Variants in EDIL3 observed in about 807,000 individuals in gnomAD.
EDIL3 encodes the protein EGF-like repeat and discoidin I-like domain-containing protein 3.
EDIL3 carries 37 observed loss-of-function variants against 67.4 expected under a neutral mutation model. The ratio of observed to expected loss-of-function variants is 0.55; its 90% CI spans 0.42 to 0.72. The LOEUF (loss-of-function observed/expected upper bound fraction) is 0.72. EDIL3 is among the 30% of genes least tolerant of loss of function. The pLI is 0.00. For synonymous variants in EDIL3, 195 were observed against 196.3 expected (o/e 0.99, Z 0.05); for missense variants, 527 against 586.3 (o/e 0.90, Z 1.04).
chr5:84,007,972 T>A (rs938263690), intron 9 of EDIL3, among the ~76,000 whole-genome samples: 1 of 152,198 alleles, frequency 6.6e-6, no homozygotes, highest in Non-Finnish European at 1.5e-5. Flanking sequence ...CCCTGTCATT[T>A]GCATTAGCAT....
At chr5:84,041,518 A>AT (rs1318645835) in intron 9 of EDIL3, among the ~76,000 whole-genome samples, 3 of 149,628 alleles carry the variant, frequency 2.0e-5, no homozygotes, top group Non-Finnish European at 3.0e-5. Context: ...CAGAGCTTTA[A>AT]GACAGCTTGT....
In EDIL3 at chr5:83,942,307, A is replaced by G. The variant is rs1744238246; in HGVS notation, c.*1112T>C. 6.6e-6 allele frequency: 1 copy of G among 152,072 alleles called. No homozygotes were observed. The highest frequency in any genetic ancestry group is 2.4e-5 in the African/African-American group (1 of 41,452). The allele number at this position is 152,072 out of a possible 1,614,324, so 9.4% of individuals were successfully genotyped here. On this transcript the variant is annotated 3_prime_UTR_variant, in exon 11 of 11. Transcript: ENST00000296591. ...AGTAAACACTTTGCTTCTCACAAATAACTCCACCTGTGCCTTCCTGGGAAA... is the reference window on the plus strand; with the variant it reads ...AGTAAACACTTTGCTTCTCACAAATGACTCCACCTGTGCCTTCCTGGGAAA...
At chr5:84,085,357 GT>G (rs1174611765) in intron 6 of EDIL3, among the ~76,000 whole-genome samples, 1 of 152,186 alleles carries the variant, frequency 6.6e-6, no homozygotes, top group African/African-American at 2.4e-5. Context: ...TTTGGCTGGA[GT>G]TTTTGTGTGG....
Position 83,942,241 on chromosome 5 carries a change from A to T in EDIL3, c.*1178T>A, listed in dbSNP as rs1202685555. ...GGACCTTTGAAGCAAAATAAATAGA[A>T]ATCAGTTTTCATCTTGAAAATGGTT... On this transcript the variant is annotated 3_prime_UTR_variant, in exon 11 of 11. Transcript: ENST00000296591. 1 of 152,014 alleles carries T rather than the reference A, an allele frequency of 6.6e-6. No individual in the cohort carries two copies. Among genetic ancestry groups the T allele is most frequent in the East Asian group, 1.9e-4 (1 of 5,166 alleles). 9.4% of individuals were successfully genotyped at this position (152,014 alleles called of 1,614,324 possible).
At chr5:83,993,730 C>A (rs1431998245) in intron 9 of EDIL3, among the ~76,000 whole-genome samples, 4 of 152,108 alleles carry the variant, frequency 2.6e-5, no homozygotes, top group African/African-American at 7.2e-5. Flanking sequence ...AAACACAGAT[C>A]ATCTTCCAAG....
At chr5:84,043,951 A>G (rs1163799150) in intron 9 of EDIL3, among the ~76,000 whole-genome samples, 1 of 152,058 alleles carries the variant, frequency 6.6e-6, no homozygotes, top group Non-Finnish European at 1.5e-5. Flanking sequence ...GCAGGTTTGT[A>G]ACATAGGGAT....
intron 9 of EDIL3, among the ~76,000 whole-genome samples, chr5:84,040,162 C>T (rs1746093603): frequency 6.6e-6 from 1 of 152,138 alleles, no homozygotes; most frequent in South Asian, 2.1e-4. Context: ...TAGAGTTTAA[C>T]ACTCTAACCA....
At chr5:84,195,474 T>A (rs1272649980) in intron 3 of EDIL3, among the ~76,000 whole-genome samples, 8 of 152,138 alleles carry the variant, frequency 5.3e-5, no homozygotes, top group Non-Finnish European at 8.8e-5. Context: ...GTGATTTTTT[T>A]GTGTGACCTA....
chr5:83,983,652 C>A (rs1745009159), intron 9 of EDIL3, among the ~76,000 whole-genome samples: 1 of 151,508 alleles, frequency 6.6e-6, no homozygotes, highest in African/African-American at 2.4e-5. Flanking sequence ...TTCAGTAATG[C>A]ACAATGGGGG....
chr5:84,146,382 C>T (rs1748289967), intron 4 of EDIL3, among the ~76,000 whole-genome samples: 1 of 152,070 alleles, frequency 6.6e-6, no homozygotes, highest in African/African-American at 2.4e-5. Context: ...ATATGTTTCA[C>T]CATCACTAGG....
intron 1 of EDIL3, among the ~76,000 whole-genome samples, chr5:84,321,656 A>T (rs1335105380): frequency 6.6e-6 from 1 of 152,126 alleles, no homozygotes; most frequent in Non-Finnish European, 1.5e-5. Flanking sequence ...AAAGCAGGGT[A>T]CCCTCAAAGC....
At chr5:84,296,952 A>G (rs966910042) in intron 1 of EDIL3, among the ~76,000 whole-genome samples, 3 of 152,040 alleles carry the variant, frequency 2.0e-5, no homozygotes, top group African/African-American at 7.2e-5. Flanking sequence ...GGAGGCTGAG[A>G]CGGGCGGATC....
intron 1 of EDIL3, among the ~76,000 whole-genome samples, chr5:84,354,415 G>C (rs1017378854): frequency 6.6e-6 from 1 of 152,054 alleles, no homozygotes; most frequent in African/African-American, 2.4e-5. Context: ...CCAGTACTTT[G>C]GGAAGCCGAG....
chr5:84,290,844 C>T (rs1369936213), intron 1 of EDIL3, among the ~76,000 whole-genome samples: 1 of 152,142 alleles, frequency 6.6e-6, no homozygotes, highest in African/African-American at 2.4e-5. Flanking sequence ...AATCTAGTCT[C>T]AAACCTAGCC....
chr5:84,039,844 T>C (rs1182582289), intron 9 of EDIL3, among the ~76,000 whole-genome samples: 1 of 151,886 alleles, frequency 6.6e-6, no homozygotes, highest in Non-Finnish European at 1.5e-5. Flanking sequence ...AAATAAAATA[T>C]TCACCATTTA....
At chr5:84,085,246 G>T (rs975933528) in intron 6 of EDIL3, among the ~76,000 whole-genome samples, 1 of 152,154 alleles carries the variant, frequency 6.6e-6, no homozygotes, top group Non-Finnish European at 1.5e-5. Flanking sequence ...ATCATTTAGA[G>T]GAGAAGAGGC....
intron 6 of EDIL3, among the ~76,000 whole-genome samples, chr5:84,075,468 C>CTTA (rs1264064884): frequency 6.7e-6 from 1 of 149,916 alleles, no homozygotes; most frequent in African/African-American, 2.5e-5. Context: ...GGGGCTTCTT[C>CTTA]TTCTTCTTCT....
In EDIL3 at chr5:84,097,812, A is replaced by G. The variant is rs140432260; in HGVS notation, c.651+8837T>C. On this transcript the variant is annotated intron_variant, in intron 6 of 10. Coordinates refer to ENST00000296591, the MANE Select transcript of EDIL3 (RefSeq NM_005711.5). The stretch of plus-strand genomic sequence containing the variant: ...ATATTTTACTACAAATAGCTATAAA[A>G]GAAAAGAAAAACACAGAGAAATTGA... Among the ~76,000 whole-genome samples the G allele has an allele frequency of 1.9e-3, 283 of 152,188 alleles. 1 individual carries two copies. The highest frequency in any genetic ancestry group is 0.01 in the Middle Eastern group (3 of 294).
intron 9 of EDIL3, among the ~76,000 whole-genome samples, chr5:83,982,402 CTCTT>C (rs1428207251): frequency 6.6e-6 from 1 of 151,960 alleles, no homozygotes; most frequent in Non-Finnish European, 1.5e-5. Flanking sequence ...ATTAAATAGC[CTCTT>C]TCTATTTCCT....
Sources: allele counts gnomAD v4.1 joint callset (sites outside exome capture counted in the v4.1 genomes callset), GRCh38; gene constraint gnomAD v4.1.1; transcripts MANE v1.5; gene names NCBI Gene and HGNC (gene_info 2026-07-23, HGNC 2026-07-21).